Variants in PRKG1 observed in about 807,000 individuals in gnomAD.
PRKG1 encodes the protein protein kinase cGMP-dependent 1.
A neutral mutation model predicts 88.1 loss-of-function variants in PRKG1; 35 were observed. The observed-to-expected ratio is 0.40, with a 90% CI of 0.30 to 0.53. The LOEUF (loss-of-function observed/expected upper bound fraction) is 0.53, where lower values mean the gene tolerates loss of function less well. Ranked by LOEUF, PRKG1 falls within the 20% of genes least tolerant of loss-of-function variation. The pLI is 0.59. For missense variants in PRKG1, 540 were observed against 839.8 expected (o/e 0.64, Z 4.41); for synonymous variants, 303 against 292.5 (o/e 1.04, Z -0.37).
chr10:52,065,266 G>T (rs1164489949), intron 7 of PRKG1, among the ~76,000 whole-genome samples: 1 of 152,074 alleles, frequency 6.6e-6, no homozygotes, highest in African/African-American at 2.4e-5. Context: ...TACACTACTT[G>T]AATAAGCAAC....
At chr10:51,623,989 T>C (rs1459700305) in intron 3 of PRKG1, among the ~76,000 whole-genome samples, 1 of 152,176 alleles carries the variant, frequency 6.6e-6, no homozygotes, top group Non-Finnish European at 1.5e-5. Flanking sequence ...GGCCAAGAGA[T>C]GATTAGCGAT....
At chr10:52,017,208 C>T (rs1274602809) in intron 5 of PRKG1, among the ~76,000 whole-genome samples, 1 of 152,076 alleles carries the variant, frequency 6.6e-6, no homozygotes, top group African/African-American at 2.4e-5. Context: ...ATGGAGGAAA[C>T]ATGGAAAAAT....
chr10:51,327,926 T>G (rs2132522203), intron 2 of PRKG1, among the ~76,000 whole-genome samples: 1 of 152,298 alleles, frequency 6.6e-6, no homozygotes, highest in South Asian at 2.1e-4. Context: ...GTGGAATGAC[T>G]AAGTCTAGCT....
At position 51,837,392 on chromosome 10, in the gene PRKG1, G is replaced by A. The variant is rs147978703; in HGVS notation, c.698+32702G>A. 1.1e-3 allele frequency among the ~76,000 whole-genome samples: 167 copies of A among 152,230 alleles called. 2 individuals are homozygous for A. The highest frequency in any genetic ancestry group is 3.9e-3 in the African/African-American group (163 of 41,552). The stretch of plus-strand genomic sequence containing the variant: ...TTGGAATATGAGCAGAATTTTACTA[G>A]TTTCAGATACTTTATGTTCTGAAAC... On this transcript the variant is annotated intron_variant, in intron 4 of 17. Transcript: ENST00000373980.
At chr10:51,793,047 G>A in intron 3 of PRKG1, among the ~76,000 whole-genome samples, 1 of 148,314 alleles carries the variant, frequency 6.7e-6, no homozygotes, top group South Asian at 2.1e-4. Context: ...GAAAAAAAAA[G>A]GTGCTAGTGA....
intron 4 of PRKG1, among the ~76,000 whole-genome samples, chr10:51,889,629 C>T (rs2132902454): frequency 6.6e-6 from 1 of 152,270 alleles, no homozygotes; most frequent in Admixed American, 6.5e-5. Context: ...TGAGGAATCG[C>T]CACACTCTCT....
chr10:51,103,177 T>C (rs1170227551), intron 1 of PRKG1, among the ~76,000 whole-genome samples: 2 of 151,708 alleles, frequency 1.3e-5, no homozygotes, highest in Non-Finnish European at 2.9e-5. Context: ...ATCCAAGATA[T>C]TCAATAGAAA....
At chr10:51,822,341 T>G (rs1461574140) in intron 4 of PRKG1, among the ~76,000 whole-genome samples, 1 of 151,834 alleles carries the variant, frequency 6.6e-6, no homozygotes, top group African/African-American at 2.4e-5. Context: ...TACTGCATAA[T>G]CCTACTTAAG....
At chr10:51,929,149 G>C (rs983027467) in intron 5 of PRKG1, among the ~76,000 whole-genome samples, 1 of 152,018 alleles carries the variant, frequency 6.6e-6, no homozygotes, top group African/African-American at 2.4e-5. Context: ...TAATCAAATA[G>C]GACTCACCCA....
chr10:51,225,161 G>A (rs1188460988), intron 2 of PRKG1, among the ~76,000 whole-genome samples: 4 of 152,268 alleles, frequency 2.6e-5, no homozygotes, highest in South Asian at 2.1e-4. Flanking sequence ...GTCTGGAGGC[G>A]CTGGCGTATT....
chr10:51,860,538 G>A (rs1266746638), intron 4 of PRKG1, among the ~76,000 whole-genome samples: 4 of 152,080 alleles, frequency 2.6e-5, no homozygotes, highest in Admixed American at 6.5e-5. Flanking sequence ...CTGTGCTCCC[G>A]TTTGCCTAGA....
chr10:51,964,251 A>C (rs1471013777), intron 5 of PRKG1, among the ~76,000 whole-genome samples: 1 of 152,184 alleles, frequency 6.6e-6, no homozygotes, highest in East Asian at 1.9e-4. Flanking sequence ...TCACATCTTC[A>C]AAATCCCTTT....
At chr10:51,334,166 C>T (rs778146063) in intron 2 of PRKG1, among the ~76,000 whole-genome samples, 8 of 88,498 alleles carry the variant, frequency 9.0e-5, no homozygotes, top group South Asian at 8.3e-4. Context: ...CTCTCTCTCT[C>T]TCTCTCTCTC....
intron 3 of PRKG1, among the ~76,000 whole-genome samples, chr10:51,761,450 T>C (rs1008466461): frequency 9.9e-5 from 15 of 152,210 alleles, no homozygotes; most frequent in African/African-American, 3.6e-4. Flanking sequence ...CCACATGGCA[T>C]CCTGCTGTCC....
intron 1 of PRKG1, among the ~76,000 whole-genome samples, chr10:51,125,520 A>G (rs968703135): frequency 2.7e-5 from 4 of 149,900 alleles, no homozygotes; most frequent in Non-Finnish European, 5.9e-5. Flanking sequence ...CTGTCTCTAC[A>G]GAAATACAAA....
At chr10:51,440,306 A>G (rs1839063827) in intron 2 of PRKG1, among the ~76,000 whole-genome samples, 1 of 151,948 alleles carries the variant, frequency 6.6e-6, no homozygotes, top group African/African-American at 2.4e-5. Context: ...CAATTTTTCA[A>G]CTTTACAATT....
chr10:52,132,782 A>G (rs1837301044), intron 7 of PRKG1, among the ~76,000 whole-genome samples: 1 of 152,014 alleles, frequency 6.6e-6, no homozygotes, highest in South Asian at 2.1e-4. Context: ...TTTTTAAATT[A>G]TTTTTAAAAA....
intron 3 of PRKG1, among the ~76,000 whole-genome samples, chr10:51,664,201 A>G (rs968843217): frequency 3.3e-5 from 5 of 152,190 alleles, no homozygotes; most frequent in African/African-American, 1.2e-4. Flanking sequence ...TAAGAAGTTC[A>G]TTTTATTCAA....
intron 3 of PRKG1, among the ~76,000 whole-genome samples, chr10:51,768,961 G>A (rs11596388): frequency 0.045 from 6,882 of 152,202 alleles, 246 homozygotes; most frequent in Middle Eastern, 0.071. Flanking sequence ...TTTGATGAAC[G>A]TAAGTGAAGA....
Sources: gnomAD v4.1 joint callset for allele counts (sites outside exome capture counted in the v4.1 genomes callset) on GRCh38, gnomAD v4.1.1 for gene constraint, MANE v1.5 for transcripts, NCBI Gene and HGNC (gene_info 2026-07-23, HGNC 2026-07-21) for gene names.